Variants in SCLT1 observed in about 807,000 individuals in gnomAD.
SCLT1 encodes the protein sodium channel-associated protein 1.
SCLT1 carries 78 observed loss-of-function variants against 112.8 expected under a neutral mutation model. The observed-to-expected ratio is 0.69, with a 90% CI of 0.58 to 0.83. The LOEUF is 0.83. Among genes scored for constraint, SCLT1 ranks in the 40% least tolerant of loss-of-function variants. The probability of loss-of-function intolerance (pLI) is 0.00; values close to 1 mark genes in which losing one functional copy is unlikely to be tolerated. For missense variants in SCLT1, 747 were observed against 770.4 expected (o/e 0.97, Z 0.36); for synonymous variants, 257 against 254.7 (o/e 1.01, Z -0.09).
intron 18 of SCLT1, among the ~76,000 whole-genome samples, chr4:128,925,927 CT>C (rs1431670968): frequency 1.3e-5 from 2 of 151,900 alleles, no homozygotes; most frequent in Admixed American, 1.3e-4. Context: ...TTCCACTTCT[CT>C]CCTTATCATC....
chr4:128,877,935 A>G (rs554619834), intron 3 of SCLT1, among the ~76,000 whole-genome samples: 2 of 152,344 alleles, frequency 1.3e-5, no homozygotes, highest in South Asian at 4.1e-4. Flanking sequence ...ACACACATAC[A>G]TACAAACATA....
chr4:128,947,233 T>TC (rs1183237440), intron 15 of SCLT1, among the ~76,000 whole-genome samples: 1 of 152,138 alleles, frequency 6.6e-6, no homozygotes, highest in Non-Finnish European at 1.5e-5. Flanking sequence ...GTTTTACATT[T>TC]CCCCAAAAGC....
intron 5 of SCLT1, among the ~76,000 whole-genome samples, chr4:129,022,620 A>G (rs1476707696): frequency 2.0e-5 from 3 of 152,184 alleles, no homozygotes; most frequent in Non-Finnish European, 4.4e-5. Context: ...GGAATGAACA[A>G]AGACTCCAAG....
rs372305945 is a variant in SCLT1 at position 128,949,648 on chromosome 4, T to C, written c.1219-1078A>G. On this transcript the variant is annotated intron_variant, in intron 14 of 20. Transcript: ENST00000281142. ...TGCGGTGTTTGGTTTTTTGTCCTTG[T>C]GATAGTTTGCTGAGAATGATGGTTT... Among the ~76,000 whole-genome samples the C allele has an allele frequency of 5.7e-3, 874 of 152,174 alleles. 7 individuals carry two copies. Among genetic ancestry groups the C allele is most frequent in the Middle Eastern group, 0.034 (10 of 294 alleles).
intron 18 of SCLT1, among the ~76,000 whole-genome samples, chr4:128,900,074 C>T (rs77755482): frequency 6.6e-6 from 1 of 152,114 alleles, no homozygotes; most frequent in East Asian, 1.9e-4. Context: ...TAGGAAGAAT[C>T]GATACCATGA....
chr4:128,906,244 C>G (rs899000428), intron 18 of SCLT1, among the ~76,000 whole-genome samples: 1 of 152,158 alleles, frequency 6.6e-6, no homozygotes, highest in Non-Finnish European at 1.5e-5. Context: ...GTCGCCCAGG[C>G]TGGAGTGCAG....
chr4:129,017,983 T>G (rs188330113), intron 5 of SCLT1, among the ~76,000 whole-genome samples: 1 of 152,236 alleles, frequency 6.6e-6, no homozygotes, highest in Non-Finnish European at 1.5e-5. Flanking sequence ...AGCAGCTATA[T>G]CTACTGCTGG....
chr4:128,895,450 G>A (rs896537056), intron 18 of SCLT1, among the ~76,000 whole-genome samples: 1 of 152,222 alleles, frequency 6.6e-6, no homozygotes, highest in Admixed American at 6.5e-5. Context: ...AAAACAAACT[G>A]CATATGTATT....
chr4:128,947,228 A>C (rs1469732157), intron 15 of SCLT1, among the ~76,000 whole-genome samples: 1 of 152,124 alleles, frequency 6.6e-6, no homozygotes, highest in Non-Finnish European at 1.5e-5. Context: ...TGTAAGTTTT[A>C]CATTTCCCCA....
intron 19 of SCLT1, among the ~76,000 whole-genome samples, chr4:128,889,827 C>T (rs1733173406): frequency 6.6e-6 from 1 of 152,156 alleles, no homozygotes; most frequent in Non-Finnish European, 1.5e-5. Flanking sequence ...CAAGCCTAAT[C>T]AGGAAGAGTT....
rs551154969 is a variant in SCLT1 at position 128,922,098 on chromosome 4, A to G, written c.1829+14557T>C. Among the ~76,000 whole-genome samples, 4 of 152,350 alleles carry G rather than the reference A, an allele frequency of 2.6e-5. No homozygotes were observed. The South Asian group carries it at 8.3e-4, about 32-fold the overall frequency. ...ATGCAAATCAAAACCACAATGAGAT[A>G]CTATCTCACCCACATCAGAATTGAT... On this transcript the variant is annotated intron_variant, in intron 18 of 20. Transcript: ENST00000281142.
chr4:128,970,644 T>A, intron 9 of SCLT1, 176 bp from the exon 10 acceptor site: 1 of 554,810 alleles, frequency 1.8e-6, no homozygotes, highest in Non-Finnish European at 3.2e-6. Context: ...TAGAAGATAT[T>A]AAAGAGGAAA....
At chr4:129,040,531 A>T (rs1459057157) in intron 4 of SCLT1, among the ~76,000 whole-genome samples, 2 of 152,216 alleles carry the variant, frequency 1.3e-5, no homozygotes, top group Admixed American at 6.5e-5. Context: ...TATTACTCTT[A>T]AATAATTATG....
rs780052729 is a variant in SCLT1, at chr4:129,003,921, AAC to A, written c.291-47_291-46del. The A allele has an allele frequency of 5.7e-6, 9 of 1,578,694 alleles. No homozygotes were observed. The East Asian group carries it at 2.0e-4, about 36-fold the overall frequency. On this transcript the variant is annotated intron_variant, in intron 5 of 20. Coordinates refer to ENST00000281142, the MANE Select transcript of SCLT1 (RefSeq NM_144643.4). ...CATGATAGCCTCAAGTCATTTTCGTAACAGTAATTACTGTTTCGAGGTCAATT... is the reference window on the plus strand; with the variant it reads ...CATGATAGCCTCAAGTCATTTTCGTAAGTAATTACTGTTTCGAGGTCAATT...
chr4:128,944,355 A>G (rs1737962744), intron 16 of SCLT1, among the ~76,000 whole-genome samples: 1 of 152,126 alleles, frequency 6.6e-6, no homozygotes, highest in Non-Finnish European at 1.5e-5. Context: ...CGTCCACAAT[A>G]TCATCATCTA....
At chr4:128,926,409 T>C (rs1428245319) in intron 18 of SCLT1, among the ~76,000 whole-genome samples, 3 of 152,180 alleles carry the variant, frequency 2.0e-5, no homozygotes, top group Non-Finnish European at 4.4e-5. Context: ...CTCCCAAAGA[T>C]GTTATCTTTA....
intron 2 of SCLT1, among the ~76,000 whole-genome samples, chr4:129,045,961 G>A (rs1003277365): frequency 1.3e-5 from 2 of 151,778 alleles, no homozygotes; most frequent in Non-Finnish European, 2.9e-5. Context: ...AAATAAGCAA[G>A]GAACAATAAT....
intron 11 of SCLT1, among the ~76,000 whole-genome samples, chr4:128,960,151 TTTATA>T (rs1291421186): frequency 3.3e-5 from 5 of 152,162 alleles, no homozygotes; most frequent in Non-Finnish European, 5.9e-5. Context: ...GTTCTTTACA[TTTATA>T]TGGTCTTTTC....
intron 9 of SCLT1, among the ~76,000 whole-genome samples, chr4:128,976,972 A>C (rs1474277450): frequency 6.6e-6 from 1 of 152,228 alleles, no homozygotes; most frequent in East Asian, 1.9e-4. Flanking sequence ...AAACTGTACC[A>C]ATAATGGTAT....
Sources: allele counts gnomAD v4.1 joint callset (sites outside exome capture counted in the v4.1 genomes callset), GRCh38; gene constraint gnomAD v4.1.1; transcripts MANE v1.5; gene names NCBI Gene and HGNC (gene_info 2026-07-23, HGNC 2026-07-21).